Variants in NTM observed in about 807,000 individuals in gnomAD.
NTM encodes IgLON family member 2.
NTM carries 13 observed loss-of-function variants against 42.1 expected under a neutral mutation model. The ratio of observed to expected loss-of-function variants is 0.31; its 90% CI spans 0.20 to 0.49. The LOEUF is 0.49. NTM is among the 20% of genes least tolerant of loss of function. The probability of loss-of-function intolerance (pLI) is 0.99; values close to 1 mark genes in which losing one functional copy is unlikely to be tolerated. For synonymous variants in NTM, 187 were observed against 179.2 expected (o/e 1.04, Z -0.35); for missense variants, 373 against 452.8 (o/e 0.82, Z 1.60).
chr11:132,145,251 G>T lies in NTM; in HGVS notation c.168-1031G>T, dbSNP rs1169796141. 6.6e-5 allele frequency among the ~76,000 whole-genome samples: 10 copies of T among 152,362 alleles called. No homozygotes were observed. The East Asian group carries it at 1.7e-3, about 26-fold the overall frequency. On this transcript the variant is annotated intron_variant, in intron 2 of 8. Coordinates refer to ENST00000683400, the MANE Select transcript of NTM (RefSeq NM_001352005.2). Reference sequence around the variant, plus strand: ...TTTAAAGCAGAGAATGGGTAAGAGTGTCAACCTCATAAATTTGTTGCAAAA... The same window carrying T: ...TTTAAAGCAGAGAATGGGTAAGAGTTTCAACCTCATAAATTTGTTGCAAAA...
chr11:131,652,959 G>A (rs896307512), intron 1 of NTM, among the ~76,000 whole-genome samples: 1 of 152,138 alleles, frequency 6.6e-6, no homozygotes, highest in South Asian at 2.1e-4. Flanking sequence ...GATTGTTGAC[G>A]GAAGCAACCT....
chr11:131,724,023 G>A (rs1381334364), intron 1 of NTM, among the ~76,000 whole-genome samples: 3 of 152,200 alleles, frequency 2.0e-5, no homozygotes, highest in Non-Finnish European at 2.9e-5. Flanking sequence ...TCCTTTTCAG[G>A]CAGTGCATCT....
intron 1 of NTM, among the ~76,000 whole-genome samples, chr11:131,485,172 C>A (rs1308400531): frequency 2.0e-5 from 3 of 152,232 alleles, no homozygotes; most frequent in Admixed American, 1.3e-4. Flanking sequence ...ATCTGACTCA[C>A]AACCACCAGG....
chr11:131,967,406 T>C (rs965805323), intron 2 of NTM, among the ~76,000 whole-genome samples: 5 of 152,288 alleles, frequency 3.3e-5, no homozygotes, highest in African/African-American at 1.2e-4. Context: ...GCTGGGCTTG[T>C]TTCATTGATG....
intron 1 of NTM, among the ~76,000 whole-genome samples, chr11:131,758,263 C>G (rs999988860): frequency 3.3e-5 from 5 of 151,654 alleles, no homozygotes; most frequent in Admixed American, 3.3e-4. Flanking sequence ...TCTTCCCCCT[C>G]CCCCCCGCCA....
At chr11:131,964,284 A>G (rs1179329680) in intron 2 of NTM, among the ~76,000 whole-genome samples, 4 of 152,178 alleles carry the variant, frequency 2.6e-5, no homozygotes, top group Non-Finnish European at 5.9e-5. Flanking sequence ...GTTGTAAGGC[A>G]CACATTTATT....
At chr11:131,836,222 ATTAAG>A (rs1009582497) in intron 1 of NTM, among the ~76,000 whole-genome samples, 10 of 152,178 alleles carry the variant, frequency 6.6e-5, no homozygotes, top group African/African-American at 1.9e-4. Flanking sequence ...TTTTCTTAAA[ATTAAG>A]TTATGTACCA....
intron 2 of NTM, among the ~76,000 whole-genome samples, chr11:131,926,012 G>C (rs2057900546): frequency 6.6e-6 from 1 of 152,134 alleles, no homozygotes; most frequent in Non-Finnish European, 1.5e-5. Context: ...AGTGCCTACT[G>C]TACATCTCCT....
rs140653539 is a variant in NTM, at chr11:131,691,857, T to C, written c.83-219707T>C. 6.6e-5 allele frequency among the ~76,000 whole-genome samples: 10 copies of C among 152,342 alleles called. No homozygotes were observed. In the East Asian group the frequency reaches 1.5e-3, roughly 24 times the overall value. Reference sequence around the variant, plus strand: ...CGTGTGTCATGTTACTCATTACTCATAACACGAACAAAACAAGACTGCTGG... The same window carrying C: ...CGTGTGTCATGTTACTCATTACTCACAACACGAACAAAACAAGACTGCTGG... On this transcript the variant is annotated intron_variant, in intron 1 of 8. Transcript: ENST00000683400.
intron 1 of NTM, among the ~76,000 whole-genome samples, chr11:131,849,937 T>G (rs886958021): frequency 7.3e-5 from 11 of 149,716 alleles, no homozygotes; most frequent in Admixed American, 4.7e-4. Context: ...AAACCTGCAC[T>G]TTGTGTACAT....
At chr11:131,694,350 CG>C (rs2075166909) in intron 1 of NTM, among the ~76,000 whole-genome samples, 1 of 152,176 alleles carries the variant, frequency 6.6e-6, no homozygotes, top group Admixed American at 6.5e-5. Flanking sequence ...TCAGTCTCCA[CG>C]GGCAGCACTG....
At chr11:131,871,172 G>GAACAT (rs2047740608) in intron 1 of NTM, among the ~76,000 whole-genome samples, 1 of 152,172 alleles carries the variant, frequency 6.6e-6, no homozygotes, top group African/African-American at 2.4e-5. Flanking sequence ...TTTTAATCAG[G>GAACAT]GAGAACATGA....
At chr11:132,182,236 A>G (rs2077688586) in intron 3 of NTM, among the ~76,000 whole-genome samples, 1 of 152,064 alleles carries the variant, frequency 6.6e-6, no homozygotes, top group South Asian at 2.1e-4. Context: ...TCTATCTACC[A>G]AATATTCCTT....
intron 3 of NTM, among the ~76,000 whole-genome samples, chr11:132,203,515 T>C (rs1168716041): frequency 1.3e-5 from 2 of 152,312 alleles, no homozygotes; most frequent in East Asian, 1.9e-4. Flanking sequence ...AGGGTTCTTT[T>C]TTTATCAAAA....
chr11:132,197,865 A>G (rs1291983768), intron 3 of NTM, among the ~76,000 whole-genome samples: 3 of 152,024 alleles, frequency 2.0e-5, no homozygotes, highest in East Asian at 3.9e-4. Flanking sequence ...TCCATGGTGT[A>G]TATGTGCCAC....
At chr11:131,519,697 T>A (rs1192193781) in intron 1 of NTM, among the ~76,000 whole-genome samples, 1 of 143,752 alleles carries the variant, frequency 7.0e-6, no homozygotes, top group Non-Finnish European at 1.5e-5. Flanking sequence ...TCTTTAGTTT[T>A]ATTTCTGGGT....
intron 1 of NTM, among the ~76,000 whole-genome samples, chr11:131,680,557 GTGTCTGTGTAGGCA>G: frequency 6.9e-6 from 1 of 143,886 alleles, no homozygotes; most frequent in African/African-American, 2.6e-5. Flanking sequence ...GCCTGTGTGT[GTGTCTGTGTAGGCA>G]TGTGTGCCTC....
Position 131,808,810 on chromosome 11 carries a change from C to T in NTM, c.83-102754C>T, listed in dbSNP as rs559453752. ...TGGAAAGAGAGAAAGGAGTCAAGTACGTAGAAGCATGCCCGTGCACACGCA... is the reference window on the plus strand; with the variant it reads ...TGGAAAGAGAGAAAGGAGTCAAGTATGTAGAAGCATGCCCGTGCACACGCA... On this transcript the variant is annotated intron_variant, in intron 1 of 8. Transcript: ENST00000683400. 9.2e-5 allele frequency among the ~76,000 whole-genome samples: 14 copies of T among 152,314 alleles called. No homozygotes were observed. In the South Asian group the frequency reaches 1.2e-3, roughly 14 times the overall value.
chr11:131,571,122 A>G (rs1233136742), intron 1 of NTM, among the ~76,000 whole-genome samples: 4 of 152,252 alleles, frequency 2.6e-5, no homozygotes, highest in African/African-American at 9.6e-5. Flanking sequence ...AAATGGGGAT[A>G]ATAGTGGCTC....
Sources: allele counts gnomAD v4.1 joint callset (sites outside exome capture counted in the v4.1 genomes callset), GRCh38; gene constraint gnomAD v4.1.1; transcripts MANE v1.5; gene names NCBI Gene and HGNC (gene_info 2026-07-23, HGNC 2026-07-21).